CHODL: variants seen among roughly 807,000 people sequenced by gnomAD.
CHODL encodes the protein transmembrane protein MT75.
In CHODL, 29 loss-of-function variants were observed where a neutral mutation model predicts 34.5. The ratio of observed to expected loss-of-function variants is 0.84; its 90% CI spans 0.63 to 1.15. The LOEUF (loss-of-function observed/expected upper bound fraction) is 1.15, where lower values mean the gene tolerates loss of function less well. CHODL is among the 50% of genes most tolerant of loss of function. The pLI is 0.00. For synonymous variants in CHODL, 125 were observed against 116.1 expected, an observed-to-expected ratio of 1.08 and a Z score of -0.49; for missense variants, 332 against 332.5, an observed-to-expected ratio of 1.00 and a Z score of 0.01.
At chr21:18,126,213 C>T (rs1203645189) in intron 2 of CHODL, among the ~76,000 whole-genome samples, 2 of 152,166 alleles carry the variant, frequency 1.3e-5, no homozygotes, top group Non-Finnish European at 2.9e-5. Context: ...AGTCACTAGC[C>T]ATCTACATCG....
chr21:18,166,524 A>G (rs4320003), intron 2 of CHODL, among the ~76,000 whole-genome samples: 152,260 of 152,260 alleles, frequency 1, 76,130 homozygotes, highest in Non-Finnish European at 1. Flanking sequence ...GTCCGTCTTA[A>G]AATTCTGCCT....
At chr21:18,229,177 CA>C (rs1225229821) in intron 2 of CHODL, among the ~76,000 whole-genome samples, 2 of 152,110 alleles carry the variant, frequency 1.3e-5, no homozygotes, top group Non-Finnish European at 2.9e-5. Context: ...AGGGCAGTAT[CA>C]GATGAAATCA....
Position 18,245,310 on chromosome 21 carries a change from A to G in CHODL, c.79+8A>G, listed in dbSNP as rs2074125890. ...GCCGCCGCGTGGTCAGCGGTGAGTC[A>G]GGGGCCGTCTCCCCGAAGAACGAGC... On this transcript the variant is annotated splice_region_variant and intron_variant, in intron 1 of 5. Transcript: ENST00000299295. 4.0e-6 allele frequency: 6 copies of G among 1,517,866 alleles called. No homozygotes were observed. Among genetic ancestry groups the G allele is most frequent in the Non-Finnish European group, 3.5e-6 (4 of 1,138,464 alleles). 94.0% of individuals were successfully genotyped at this position (1,517,866 alleles called of 1,614,324 possible).
intron 2 of CHODL, among the ~76,000 whole-genome samples, chr21:18,134,952 C>T (rs2072702177): frequency 6.6e-6 from 1 of 152,200 alleles, no homozygotes; most frequent in African/African-American, 2.4e-5. Flanking sequence ...ATTAAGTTAA[C>T]AAAGATGTGC....
At chr21:17,963,661 G>C (rs1452034467) in intron 1 of CHODL, among the ~76,000 whole-genome samples, 1 of 152,136 alleles carries the variant, frequency 6.6e-6, no homozygotes, top group East Asian at 1.9e-4. Flanking sequence ...TACAATTCAA[G>C]ATGAGATTTG....
chr21:18,224,607 T>A (rs2073914690), intron 2 of CHODL, among the ~76,000 whole-genome samples: 1 of 152,162 alleles, frequency 6.6e-6, no homozygotes, highest in Non-Finnish European at 1.5e-5. Context: ...GGATTTAAAT[T>A]CTGAGCACAA....
intron 2 of CHODL, among the ~76,000 whole-genome samples, chr21:18,062,780 G>A (rs1383781715): frequency 6.6e-6 from 1 of 151,992 alleles, no homozygotes; most frequent in Admixed American, 6.6e-5. Context: ...AAAACAAAGT[G>A]TGGAGATTAC....
intron 2 of CHODL, among the ~76,000 whole-genome samples, chr21:18,193,250 T>C (rs1009886923): frequency 6.6e-6 from 1 of 152,204 alleles, no homozygotes; most frequent in Admixed American, 6.5e-5. Flanking sequence ...TTATACAAGA[T>C]ATTGAAATGA....
At chr21:18,181,908 A>ATAATATTCCAT (rs1339593629) in intron 2 of CHODL, among the ~76,000 whole-genome samples, 3 of 152,192 alleles carry the variant, frequency 2.0e-5, no homozygotes. Flanking sequence ...TTATTGCTAA[A>ATAATATTCCAT]TAATATTCCA....
chr21:18,056,500 G>T, intron 2 of CHODL, among the ~76,000 whole-genome samples: 1 of 149,882 alleles, frequency 6.7e-6, no homozygotes, highest in Non-Finnish European at 1.5e-5. Context: ...GTGGTGAGTG[G>T]GGCATTCCCT....
chr21:18,046,544 T>C (rs535653533), intron 2 of CHODL, among the ~76,000 whole-genome samples: 1 of 152,020 alleles, frequency 6.6e-6, no homozygotes, highest in African/African-American at 2.4e-5. Context: ...AAGTAGGTAA[T>C]GGTAATGTCA....
intron 2 of CHODL, among the ~76,000 whole-genome samples, chr21:18,146,134 ATTT>A (rs574946951): frequency 7.2e-6 from 1 of 139,552 alleles, no homozygotes. Context: ...CGCCCGGTTA[ATTT>A]TTTTTTTTTT....
chr21:18,092,468 T>C (rs1008202831), intron 2 of CHODL, among the ~76,000 whole-genome samples: 2 of 152,130 alleles, frequency 1.3e-5, no homozygotes, highest in Non-Finnish European at 2.9e-5. Flanking sequence ...AAACAAGACC[T>C]CACCAAATGA....
At chr21:18,095,310 A>C (rs553489799) in intron 2 of CHODL, among the ~76,000 whole-genome samples, 1 of 152,258 alleles carries the variant, frequency 6.6e-6, no homozygotes, top group East Asian at 1.9e-4. Context: ...AAAATCAGAG[A>C]TGAGAAAGGA....
chr21:18,033,440 G>T (rs1408000524), intron 2 of CHODL, among the ~76,000 whole-genome samples: 2 of 151,958 alleles, frequency 1.3e-5, no homozygotes, highest in African/African-American at 4.8e-5. Context: ...TCTTCAGGTG[G>T]TATCAGAAAC....
intron 2 of CHODL, among the ~76,000 whole-genome samples, chr21:18,193,748 A>AAATAAAT (rs1568931487): frequency 6.8e-6 from 1 of 146,654 alleles, no homozygotes; most frequent in African/African-American, 2.6e-5. Flanking sequence ...AATAAATAAA[A>AAATAAAT]AATAAACTTA....
chr21:18,004,660 T>G (rs192413781), intron 1 of CHODL, among the ~76,000 whole-genome samples: 3 of 152,296 alleles, frequency 2.0e-5, no homozygotes, highest in African/African-American at 7.2e-5. Context: ...ATGGCTTATA[T>G]TTTTTTCTCA....
At chr21:18,216,725 C>T (rs1449851563) in intron 2 of CHODL, among the ~76,000 whole-genome samples, 2 of 152,138 alleles carry the variant, frequency 1.3e-5, no homozygotes, top group South Asian at 2.1e-4. Context: ...AGGAAACTTA[C>T]AATTATGGTG....
intron 3 of CHODL, 73 bp downstream of exon 3, chr21:18,257,200 G>A: frequency 7.4e-7 from 1 of 1,355,632 alleles, no homozygotes; most frequent in Non-Finnish European, 1.0e-6. Context: ...CTTTAATTTT[G>A]ACTACCTGTG....
Sources: gnomAD v4.1 joint callset for allele counts (sites outside exome capture counted in the v4.1 genomes callset) on GRCh38, gnomAD v4.1.1 for gene constraint, MANE v1.5 for transcripts, NCBI Gene and HGNC (gene_info 2026-07-23, HGNC 2026-07-21) for gene names.